CXCL12: variants seen among roughly 807,000 people sequenced by gnomAD.
The protein encoded by CXCL12 is stromal cell-derived factor 1.
In CXCL12, 4 loss-of-function variants were observed where a neutral mutation model predicts 10.7. The observed-to-expected ratio is 0.37, with a 90% CI of 0.18 to 0.86. CXCL12 has a LOEUF of 0.86. Among genes scored for constraint, CXCL12 ranks in the 40% least tolerant of loss-of-function variants. The probability of loss-of-function intolerance (pLI) is 0.43; values close to 1 mark genes in which losing one functional copy is unlikely to be tolerated. For synonymous variants in CXCL12, 54 were observed against 45.4 expected (o/e 1.19, Z -0.77); for missense variants, 122 against 110.4 (o/e 1.10, Z -0.47).
intron 1 of CXCL12, among the ~76,000 whole-genome samples, chr10:44,383,835 G>A (rs186085158): frequency 8.5e-5 from 13 of 152,320 alleles, no homozygotes; most frequent in African/African-American, 2.9e-4. Context: ...ACCCAGCCAA[G>A]GGCTCGAGGC....
intron 1 of CXCL12, among the ~76,000 whole-genome samples, chr10:44,383,223 G>A (rs1308555993): frequency 2.0e-5 from 3 of 152,146 alleles, no homozygotes; most frequent in Admixed American, 6.5e-5. Context: ...TGAGGTGAGG[G>A]GAAAACAAAA....
chr10:44,373,457 T>G, downstream of CXCL12: 1 of 913,672 alleles, frequency 1.1e-6, no homozygotes, highest in Non-Finnish European at 1.8e-6. Context: ...TACTTCCAAG[T>G]TGCCACCTTG....
chr10:44,373,549 C>T (rs978714700), downstream of CXCL12, among the ~76,000 whole-genome samples: 3 of 152,222 alleles, frequency 2.0e-5, no homozygotes, highest in African/African-American at 7.2e-5. Flanking sequence ...CGGAGGGACC[C>T]ATGGATGGCA....
rs10900033 is a variant in CXCL12, at chr10:44,383,612, G to T, written c.61+1333C>A. Among the ~76,000 whole-genome samples the T allele has an allele frequency of 4.0e-4, 37 of 91,488 alleles. 1 individual carries two copies. Among genetic ancestry groups the T allele is most frequent in the Admixed American group, 8.5e-4 (8 of 9,384 alleles). 60.0% of individuals were successfully genotyped at this position (91,488 alleles called of 152,430 possible). A position where few individuals can be genotyped will look rare whatever the true frequency, so the allele number is the denominator to read the frequency against. On this transcript the variant is annotated intron_variant, in intron 1 of 2. Transcript: ENST00000343575. Reference sequence around the variant, plus strand: ...TAGAAACATGCCCCATGACTTGCGGGGGGGGGGGGGGGTCAGTGTGCAGAC... The same window carrying T: ...TAGAAACATGCCCCATGACTTGCGGTGGGGGGGGGGGGTCAGTGTGCAGAC...
At chr10:44,373,195 A>G, downstream of CXCL12, 1 of 1,542,222 alleles carries the variant, frequency 6.5e-7, no homozygotes, top group South Asian at 1.2e-5. Flanking sequence ...AAAATATGGC[A>G]AAGTGTGCAA....
At chr10:44,383,476 C>G (rs1442574358) in intron 1 of CXCL12, among the ~76,000 whole-genome samples, 1 of 152,184 alleles carries the variant, frequency 6.6e-6, no homozygotes, top group African/African-American at 2.4e-5. Context: ...GGGGCAGCAC[C>G]ATTTCCCAGA....
rs1839757990 is a variant in CXCL12, at chr10:44,384,988, C to T, written c.18G>A (p.Val6=). 1 of 1,535,634 alleles carries T rather than the reference C, an allele frequency of 6.5e-7. No individual in the cohort carries two copies. The highest frequency in any genetic ancestry group is 2.6e-5 in the East Asian group (1 of 38,662). The change falls in exon 1 of 3, where the codon GTG becomes GTA. Residue 6 remains valine, a synonymous_variant. Coordinates refer to ENST00000343575, the MANE Select transcript of CXCL12 (RefSeq NM_199168.4). Reference sequence around the variant, plus strand: ...CGGTCAGCACGAGGACCAGCACGACCACGACCTTGGCGTTCATGGCGCGGG... The same window carrying T: ...CGGTCAGCACGAGGACCAGCACGACTACGACCTTGGCGTTCATGGCGCGGG... MNAKV[V]VVLVLVLTAL...
intron 2 of CXCL12, among the ~76,000 whole-genome samples, chr10:44,379,979 C>CTTTGG (rs1839576502): frequency 6.6e-6 from 1 of 152,200 alleles, no homozygotes; most frequent in Admixed American, 6.5e-5. Flanking sequence ...AAAGTTGTAG[C>CTTTGG]TTTGGTTCCA....
At chr10:44,371,334 G>T (rs1839307197), downstream of CXCL12, 2 of 480,336 alleles carry the variant, frequency 4.2e-6, no homozygotes, top group African/African-American at 2.0e-5. Context: ...CAATGGTCTT[G>T]GTTCATGGAT....
rs1202399802 is a variant in CXCL12, at chr10:44,382,803, C to T, written c.62-1923G>A. Among the ~76,000 whole-genome samples, 3 of 152,220 alleles carry T rather than the reference C, an allele frequency of 2.0e-5. No individual in the cohort carries two copies. In the East Asian group the frequency reaches 5.8e-4, roughly 29 times the overall value. ...ATTTCAACAGGTCTTTTTAAAGTGA[C>T]AGAGCCCCCAGGTGTGCTTACCAAA... On this transcript the variant is annotated intron_variant, in intron 1 of 2. Transcript: ENST00000343575.
Position 44,377,952 on chromosome 10 carries a change from C to A in CXCL12, c.*681G>T. On this transcript the variant is annotated 3_prime_UTR_variant, in exon 3 of 3. Coordinates refer to ENST00000343575, the MANE Select transcript of CXCL12 (RefSeq NM_199168.4). ...GCAAGATTAAGCATGCTCTCGGAGTCGGGGAGAGAGTAGGAATAGCTGGGA... is the reference window on the plus strand; with the variant it reads ...GCAAGATTAAGCATGCTCTCGGAGTAGGGGAGAGAGTAGGAATAGCTGGGA... 2 of 1,529,000 alleles carry A rather than the reference C, an allele frequency of 1.3e-6. No individual in the cohort carries two copies. The highest frequency in any genetic ancestry group is 2.4e-5 in the South Asian group (2 of 82,780). 94.7% of individuals were successfully genotyped at this position (1,529,000 alleles called of 1,614,324 possible). A position where few individuals can be genotyped will look rare whatever the true frequency, so the allele number is the denominator to read the frequency against.
At chr10:44,379,821 G>T (rs1839572690) in intron 2 of CXCL12, among the ~76,000 whole-genome samples, 1 of 152,174 alleles carries the variant, frequency 6.6e-6, no homozygotes, top group South Asian at 2.1e-4. Context: ...TGTAGGCAAA[G>T]TACAGAAAAA....
At chr10:44,375,442 C>A (rs966884835), downstream of CXCL12, among the ~76,000 whole-genome samples, 5 of 151,384 alleles carry the variant, frequency 3.3e-5, no homozygotes, top group African/African-American at 1.2e-4. Flanking sequence ...TTCCTGAGGG[C>A]CACAGAGGGG....
chr10:44,375,984 C>T (rs1255470469), downstream of CXCL12: 2 of 1,610,316 alleles, frequency 1.2e-6, no homozygotes, highest in Non-Finnish European at 1.7e-6. Context: ...TCTGTCGCTT[C>T]TTTTTTCCTA....
At chr10:44,384,832 C>A (rs556227287) in intron 1 of CXCL12, 113 bp downstream of exon 1, 4 of 1,043,522 alleles carry the variant, frequency 3.8e-6, no homozygotes, top group African/African-American at 3.4e-5. Flanking sequence ...GCCTCCACCC[C>A]CACTGTGTCG....
chr10:44,374,319 G>A (rs1839393202), downstream of CXCL12: 3 of 394,736 alleles, frequency 7.6e-6, no homozygotes, highest in Non-Finnish European at 1.5e-5. Flanking sequence ...GAAGAATGCA[G>A]GCGAGTATGG....
At chr10:44,384,807 C>A in intron 1 of CXCL12, 138 bp downstream of exon 1, 1 of 811,602 alleles carries the variant, frequency 1.2e-6, no homozygotes, top group Non-Finnish European at 1.8e-6. Flanking sequence ...ACCAGAGCGC[C>A]CAGCTAAGCG....
chr10:44,381,200 G>A (rs1441921735), intron 1 of CXCL12, among the ~76,000 whole-genome samples: 2 of 152,192 alleles, frequency 1.3e-5, no homozygotes, highest in Admixed American at 6.5e-5. Flanking sequence ...GTAGATAACG[G>A]TTTCAGTCCA....
chr10:44,374,764 G>A, downstream of CXCL12: 1 of 437,222 alleles, frequency 2.3e-6, no homozygotes, highest in Non-Finnish European at 4.6e-6. Context: ...TTCTCTTTCT[G>A]CATTTATTAA....
Sources: gnomAD v4.1 joint callset for allele counts (sites outside exome capture counted in the v4.1 genomes callset) on GRCh38, gnomAD v4.1.1 for gene constraint, MANE v1.5 for transcripts, NCBI Gene and HGNC (gene_info 2026-07-23, HGNC 2026-07-21) for gene names.